CPEB3: variants seen among roughly 807,000 people sequenced by gnomAD.
CPEB3 encodes cytoplasmic polyadenylation element-binding protein 3.
CPEB3 carries 20 observed loss-of-function variants against 67.2 expected under a neutral mutation model. The ratio of observed to expected loss-of-function variants is 0.30; its 90% CI spans 0.21 to 0.43. The LOEUF (loss-of-function observed/expected upper bound fraction) is 0.43, where lower values mean the gene tolerates loss of function less well. Among genes scored for constraint, CPEB3 ranks in the 20% least tolerant of loss-of-function variants. The probability of loss-of-function intolerance (pLI) is 1.00; values close to 1 mark genes in which losing one functional copy is unlikely to be tolerated. For synonymous variants in CPEB3, 376 were observed against 393.1 expected (o/e 0.96, Z 0.51); for missense variants, 746 against 968.6 (o/e 0.77, Z 3.05).
chr10:92,112,944 T>C (rs1346636601), intron 6 of CPEB3, among the ~76,000 whole-genome samples: 2 of 152,142 alleles, frequency 1.3e-5, no homozygotes, highest in Non-Finnish European at 2.9e-5. Context: ...CTCTCTGGAG[T>C]CCTGGGCAAC....
chr10:92,230,477 T>C lies in CPEB3; in HGVS notation c.1005+8869A>G, dbSNP rs72807265. Among the ~76,000 whole-genome samples, 351 of 152,292 alleles carry C rather than the reference T, an allele frequency of 2.3e-3. 1 individual carries two copies. Among genetic ancestry groups the C allele is most frequent in the Middle Eastern group, 6.8e-3 (2 of 294 alleles). ...GCCAACAAGCATTTATATAATAATATTTATTATTTCTGAGAATTATATAAT... is the reference window on the plus strand; with the variant it reads ...GCCAACAAGCATTTATATAATAATACTTATTATTTCTGAGAATTATATAAT... On this transcript the variant is annotated intron_variant, in intron 2 of 9. Coordinates refer to ENST00000265997, the MANE Select transcript of CPEB3 (RefSeq NM_014912.5).
chr10:92,056,900 T>C (rs1294985710), intron 9 of CPEB3, among the ~76,000 whole-genome samples: 2 of 152,186 alleles, frequency 1.3e-5, no homozygotes, highest in Non-Finnish European at 2.9e-5. Flanking sequence ...CACAGAAGGA[T>C]AGGGCTCAGT....
chr10:92,106,652 T>C (rs1590151505), intron 7 of CPEB3, among the ~76,000 whole-genome samples: 1 of 151,066 alleles, frequency 6.6e-6, no homozygotes, highest in East Asian at 1.9e-4. Context: ...CCGTCTCTAC[T>C]AAAAATACAA....
chr10:92,186,164 G>A (rs1848677648), intron 3 of CPEB3, among the ~76,000 whole-genome samples: 1 of 144,814 alleles, frequency 6.9e-6, no homozygotes, highest in Non-Finnish European at 1.5e-5. Flanking sequence ...TTGAGCTCAG[G>A]AGTTAGAGAC....
chr10:92,210,653 A>C (rs1850032641), intron 2 of CPEB3, among the ~76,000 whole-genome samples: 1 of 152,202 alleles, frequency 6.6e-6, no homozygotes, highest in Admixed American at 6.5e-5. Context: ...ATTCCAATGG[A>C]TATATGATGA....
At position 92,168,914 on chromosome 10, in the gene CPEB3, G is replaced by A. The variant is rs191133814; in HGVS notation, c.1222+12049C>T. On this transcript the variant is annotated intron_variant, in intron 4 of 9. Coordinates refer to ENST00000265997, the MANE Select transcript of CPEB3 (RefSeq NM_014912.5). ...AGGTTCAAGCGATTCTCTTGTCTCAGCCTCCCACACAGCTGGGATTACAGG... is the reference window on the plus strand; with the variant it reads ...AGGTTCAAGCGATTCTCTTGTCTCAACCTCCCACACAGCTGGGATTACAGG... Among the ~76,000 whole-genome samples, 87 of 148,160 alleles carry A rather than the reference G, an allele frequency of 5.9e-4. No homozygotes were observed. The East Asian group carries it at 0.015, about 25-fold the overall frequency.
chr10:92,202,062 C>T (rs1447918642), intron 2 of CPEB3, among the ~76,000 whole-genome samples: 1 of 152,104 alleles, frequency 6.6e-6, no homozygotes, highest in Non-Finnish European at 1.5e-5. Flanking sequence ...TAAGAAAGAA[C>T]TACTCATTTA....
At chr10:92,075,492 T>A (rs1385122790) in intron 9 of CPEB3, among the ~76,000 whole-genome samples, 1 of 152,112 alleles carries the variant, frequency 6.6e-6, no homozygotes, top group African/African-American at 2.4e-5. Flanking sequence ...TATGTAAATA[T>A]ACGAAAAAAC....
At position 92,239,481 on chromosome 10, in the gene CPEB3, C is replaced by G; in HGVS notation, c.870G>C (p.Ser290=). 1 of 1,591,162 alleles carries G rather than the reference C, an allele frequency of 6.3e-7. No individual in the cohort carries two copies. The highest frequency in any genetic ancestry group is 8.6e-7 in the Non-Finnish European group (1 of 1,168,500). ...TGCTGGAGAAGGGCTTTTTGAGCGG[C>G]GAGATGGGGTTGAGCGGGGAAGGCA... ...VGVPSPLNPI[S]PLKKPFSSNV... The change falls in exon 2 of 10, where the codon TCG becomes TCC. Residue 290 remains serine, a synonymous_variant. Coordinates refer to ENST00000265997, the MANE Select transcript of CPEB3 (RefSeq NM_014912.5). The surrounding 1 kb of genome is among the most constrained non-coding windows in gnomAD (Gnocchi z 6.0).
At position 92,240,101 on chromosome 10, in the gene CPEB3, G is replaced by C. The variant is rs745695658; in HGVS notation, c.250C>G (p.His84Asp). 6.3e-7 allele frequency: 1 copy of C among 1,579,208 alleles called. No homozygotes were observed. Among genetic ancestry groups the C allele is most frequent in the South Asian group, 1.1e-5 (1 of 87,142 alleles). Reference sequence around the variant, plus strand: ...GGCGGCGGCTGCTGAGGAGGCTGATGGAAACTCAAGCCTGGCAGGAGCGGT... The same window carrying C: ...GGCGGCGGCTGCTGAGGAGGCTGATCGAAACTCAAGCCTGGCAGGAGCGGT... ...ESPLLPGLSF[H>D]QPPQQPPPPQ... is the part of the protein sequence containing the mutation. Residue 84 changes from histidine (H) to aspartate (D), a missense_variant, in exon 2 of 10, where the codon CAT becomes GAT. Around this residue, in one of 2 missense-constraint regions of CPEB3, gnomAD observed 643 missense variants for 717.5 expected, o/e 0.90. Coordinates refer to ENST00000265997, the MANE Select transcript of CPEB3 (RefSeq NM_014912.5).
At chr10:92,162,157 G>GAAAGA (rs1289860330) in intron 4 of CPEB3, among the ~76,000 whole-genome samples, 1 of 150,802 alleles carries the variant, frequency 6.6e-6, no homozygotes, top group African/African-American at 2.4e-5. Context: ...TTTTTTAAGA[G>GAAAGA]AAAGAATCTT....
chr10:92,112,443 C>A (rs1590165146), intron 6 of CPEB3, among the ~76,000 whole-genome samples: 1 of 152,106 alleles, frequency 6.6e-6, no homozygotes, highest in East Asian at 1.9e-4. Flanking sequence ...CCACGCCCGG[C>A]CCCAGGTTCC....
At chr10:92,213,213 T>A (rs1409572169) in intron 2 of CPEB3, among the ~76,000 whole-genome samples, 1 of 152,170 alleles carries the variant, frequency 6.6e-6, no homozygotes, top group Non-Finnish European at 1.5e-5. Context: ...AGACACTCCT[T>A]CTTCTAAGAT....
chr10:92,171,896 G>A (rs548535314), intron 4 of CPEB3, among the ~76,000 whole-genome samples: 61 of 152,282 alleles, frequency 4.0e-4, no homozygotes, highest in African/African-American at 1.4e-3. Context: ...AAGTACAGGC[G>A]TGAGCCACCG....
intron 2 of CPEB3, among the ~76,000 whole-genome samples, chr10:92,238,067 C>G (rs1402979000): frequency 6.6e-6 from 1 of 152,190 alleles, no homozygotes; most frequent in Non-Finnish European, 1.5e-5. Context: ...TGCATCTGCA[C>G]CTGACACTAT....
At chr10:92,061,936 T>C (rs1164129110) in intron 9 of CPEB3, among the ~76,000 whole-genome samples, 1 of 152,200 alleles carries the variant, frequency 6.6e-6, no homozygotes, top group Non-Finnish European at 1.5e-5. Context: ...ATCTACTATC[T>C]ACACCCACTA....
rs1841916046 is a variant in CPEB3 at position 92,052,140 on chromosome 10, C to T, written c.*72G>A. 2 of 985,328 alleles carry T rather than the reference C, an allele frequency of 2.0e-6. No homozygotes were observed. The highest frequency in any genetic ancestry group is 3.1e-4 in the Middle Eastern group (1 of 3,270). The allele number at this position is 985,328 out of a possible 1,614,324, so 61.0% of individuals were successfully genotyped here. A position where few individuals can be genotyped will look rare whatever the true frequency, so the allele number is the denominator to read the frequency against. On this transcript the variant is annotated 3_prime_UTR_variant, in exon 10 of 10. Coordinates refer to ENST00000265997, the MANE Select transcript of CPEB3 (RefSeq NM_014912.5). ...GCACAGATTTCCAGAACACTGTAAG[C>T]CCTGAGGCAGTGCCCTCTCTTTTCC... is the stretch of plus-strand genomic sequence containing the variant.
chr10:92,134,396 G>A (rs1398988456), intron 6 of CPEB3, among the ~76,000 whole-genome samples: 2 of 151,838 alleles, frequency 1.3e-5, no homozygotes. Context: ...CAAATCATGA[G>A]TGAACTCCCA....
At chr10:92,102,182 G>C (rs1191723584) in intron 7 of CPEB3, among the ~76,000 whole-genome samples, 2 of 152,146 alleles carry the variant, frequency 1.3e-5, no homozygotes, top group Non-Finnish European at 2.9e-5. Flanking sequence ...GCATCTTCTG[G>C]GGGTAGTGGA....
Sources: gnomAD v4.1 joint callset for allele counts (sites outside exome capture counted in the v4.1 genomes callset) on GRCh38, gnomAD v4.1.1 for gene constraint, gnomAD v4.1.1 regional missense constraint, Gnocchi (gnomAD v3.1) non-coding constraint, MANE v1.5 for transcripts, NCBI Gene and HGNC (gene_info 2026-07-23, HGNC 2026-07-21) for gene names.